CDH18: variants seen among roughly 807,000 people sequenced by gnomAD.
CDH18 encodes cadherin 18.
CDH18 carries 31 observed loss-of-function variants against 67.9 expected under a neutral mutation model. The ratio of observed to expected loss-of-function variants is 0.46; its 90% CI spans 0.34 to 0.62. The LOEUF (loss-of-function observed/expected upper bound fraction) is 0.62. Ranked by LOEUF, CDH18 falls within the 20% of genes least tolerant of loss-of-function variation. CDH18 has a pLI of 0.01. For synonymous variants in CDH18, 362 were observed against 347.2 expected (o/e 1.04, Z -0.48); for missense variants, 890 against 975.5 (o/e 0.91, Z 1.17).
intron 2 of CDH18, among the ~76,000 whole-genome samples, chr5:19,903,355 C>T (rs116040902): frequency 0.013 from 1,946 of 151,500 alleles, 37 homozygotes; most frequent in African/African-American, 0.045. Context: ...AGGTTATTAA[C>T]CTTACCACTT....
chr5:20,523,344 C>G (rs1284900496), intron 1 of CDH18, among the ~76,000 whole-genome samples: 1 of 152,128 alleles, frequency 6.6e-6, no homozygotes, highest in African/African-American at 2.4e-5. Context: ...TGCTTTCGGG[C>G]ATTGCTTTCC....
chr5:20,141,449 G>A (rs2126525901), intron 2 of CDH18, among the ~76,000 whole-genome samples: 1 of 152,244 alleles, frequency 6.6e-6, no homozygotes, highest in African/African-American at 2.4e-5. Flanking sequence ...TATGACTCGT[G>A]ATGGCATAAA....
chr5:20,477,447 G>A (rs1177970495), intron 1 of CDH18, among the ~76,000 whole-genome samples: 2 of 152,230 alleles, frequency 1.3e-5, no homozygotes, highest in Non-Finnish European at 2.9e-5. Flanking sequence ...GCCACATAAT[G>A]TGGACAGAGA....
At chr5:20,257,020 C>G (rs888638978) in intron 1 of CDH18, among the ~76,000 whole-genome samples, 1 of 151,722 alleles carries the variant, frequency 6.6e-6, no homozygotes, top group African/African-American at 2.4e-5. Context: ...TCATCATCCT[C>G]TATCTACTTA....
At chr5:20,270,633 G>C in intron 1 of CDH18, among the ~76,000 whole-genome samples, 1 of 152,042 alleles carries the variant, frequency 6.6e-6, no homozygotes, top group South Asian at 2.1e-4. Context: ...CCATTACTGG[G>C]TATATACCAA....
rs1295645537 is a variant in CDH18, at chr5:20,162,118, C to G, written c.-518+93326G>C. ...ATAAGATTTCACACTCTGAGACAGT[C>G]CCAGAAATACATAAAAAACAAAGCT... On this transcript the variant is annotated intron_variant, in intron 2 of 14. Transcript: ENST00000507958. Among the ~76,000 whole-genome samples, 3 of 152,000 alleles carry G rather than the reference C, an allele frequency of 2.0e-5. No individual in the cohort carries two copies. The East Asian group carries it at 5.8e-4, about 29-fold the overall frequency.
intron 1 of CDH18, among the ~76,000 whole-genome samples, chr5:19,982,904 C>T (rs1478380336): frequency 6.6e-6 from 1 of 151,846 alleles, no homozygotes; most frequent in Non-Finnish European, 1.5e-5. Context: ...ATTAGCCGGG[C>T]TTGGTGGCAG....
intron 2 of CDH18, among the ~76,000 whole-genome samples, chr5:19,839,650 A>C (rs1561414599): frequency 1.3e-5 from 2 of 152,214 alleles, no homozygotes; most frequent in Non-Finnish European, 2.9e-5. Flanking sequence ...AAAAGATCAA[A>C]GAAAAAGGTG....
intron 3 of CDH18, among the ~76,000 whole-genome samples, chr5:19,763,382 A>G (rs1289598330): frequency 6.6e-6 from 1 of 152,212 alleles, no homozygotes; most frequent in Non-Finnish European, 1.5e-5. Flanking sequence ...GGCTTCTCAA[A>G]GAGTAGATAT....
intron 3 of CDH18, among the ~76,000 whole-genome samples, chr5:19,763,351 C>A (rs1216249567): frequency 6.6e-6 from 1 of 152,122 alleles, no homozygotes; most frequent in Non-Finnish European, 1.5e-5. Context: ...AGAAATATAT[C>A]CTGAAAGTAG....
chr5:19,960,787 ATG>A (rs1331755279), intron 2 of CDH18, among the ~76,000 whole-genome samples: 3 of 148,746 alleles, frequency 2.0e-5, no homozygotes, highest in African/African-American at 5.0e-5. Flanking sequence ...GTGTATATAT[ATG>A]TGTATATATG....
chr5:20,405,764 TG>T (rs1746190086), intron 1 of CDH18, among the ~76,000 whole-genome samples: 2 of 152,202 alleles, frequency 1.3e-5, no homozygotes, highest in South Asian at 4.1e-4. Flanking sequence ...CATCAAAAAG[TG>T]GGTGAAGGAT....
chr5:20,354,289 C>T (rs1388015042), intron 1 of CDH18, among the ~76,000 whole-genome samples: 5 of 152,114 alleles, frequency 3.3e-5, no homozygotes, highest in Admixed American at 2.0e-4. Context: ...GGGAATCCTC[C>T]TTACTTGAAA....
chr5:20,251,230 A>C (rs1440857041), intron 2 of CDH18, among the ~76,000 whole-genome samples: 1 of 152,162 alleles, frequency 6.6e-6, no homozygotes, highest in Non-Finnish European at 1.5e-5. Flanking sequence ...TAATTTAATA[A>C]TAAATCATAA....
chr5:19,812,264 CA>C (rs1273068240), intron 3 of CDH18, among the ~76,000 whole-genome samples: 1 of 151,874 alleles, frequency 6.6e-6, no homozygotes, highest in Non-Finnish European at 1.5e-5. Flanking sequence ...GATATAGAAG[CA>C]GAGAGAAGCA....
intron 2 of CDH18, among the ~76,000 whole-genome samples, chr5:20,030,133 C>A (rs1228420003): frequency 6.6e-6 from 1 of 152,132 alleles, no homozygotes; most frequent in East Asian, 1.9e-4. Context: ...CCTTGTAATA[C>A]AACTTTACTC....
At chr5:19,834,050 A>C (rs1781340329) in intron 3 of CDH18, among the ~76,000 whole-genome samples, 1 of 151,750 alleles carries the variant, frequency 6.6e-6, no homozygotes, top group South Asian at 2.1e-4. Context: ...GTTAGGGAGG[A>C]GTCCCTTCTT....
At chr5:20,505,774 A>G (rs1754620427) in intron 1 of CDH18, among the ~76,000 whole-genome samples, 1 of 152,214 alleles carries the variant, frequency 6.6e-6, no homozygotes, top group Non-Finnish European at 1.5e-5. Context: ...CAAACACTTA[A>G]CAATTTCCCA....
At chr5:20,333,775 C>G (rs922815957) in intron 1 of CDH18, among the ~76,000 whole-genome samples, 1 of 152,036 alleles carries the variant, frequency 6.6e-6, no homozygotes, top group African/African-American at 2.4e-5. Flanking sequence ...TCATTTCCAC[C>G]TGGAAGCATT....
Sources: gnomAD v4.1 joint callset for allele counts (sites outside exome capture counted in the v4.1 genomes callset) on GRCh38, gnomAD v4.1.1 for gene constraint, MANE v1.5 for transcripts, NCBI Gene and HGNC (gene_info 2026-07-23, HGNC 2026-07-21) for gene names.